NCK2: variants seen among roughly 807,000 people sequenced by gnomAD.
NCK2 encodes the protein NCK adaptor protein 2, also known as cytoplasmic protein NCK2.
A neutral mutation model predicts 33.9 loss-of-function variants in NCK2; 16 were observed. The observed-to-expected ratio is 0.47, with a 90% confidence interval of 0.32 to 0.72. NCK2 has a LOEUF of 0.72. Ranked by LOEUF, NCK2 falls within the 30% of genes least tolerant of loss-of-function variation. NCK2 has a pLI of 0.03. For synonymous variants in NCK2, 273 were observed against 239.9 expected, an observed-to-expected ratio of 1.14 and a Z score of -1.27; for missense variants, 418 against 537.3, an observed-to-expected ratio of 0.78 and a Z score of 2.19.
At chr2:105,876,655 A>T (rs1458225779) in intron 3 of NCK2, among the ~76,000 whole-genome samples, 1 of 152,236 alleles carries the variant, frequency 6.6e-6, no homozygotes, top group African/African-American at 2.4e-5. Flanking sequence ...TTAAAATTCT[A>T]TGAGAAAAGA....
chr2:105,868,186 C>G (rs1053146497), intron 3 of NCK2, among the ~76,000 whole-genome samples: 1 of 152,212 alleles, frequency 6.6e-6, no homozygotes, highest in Non-Finnish European at 1.5e-5. Context: ...GGGTGTATTT[C>G]TGCACATCAG....
At chr2:105,884,515 C>G (rs1468522955) in intron 4 of NCK2, among the ~76,000 whole-genome samples, 1 of 152,150 alleles carries the variant, frequency 6.6e-6, no homozygotes, top group African/African-American at 2.4e-5. Flanking sequence ...GGCCTGGCTT[C>G]TGGATAAGCA....
chr2:105,835,423 A>ATATATATT (rs59154186), intron 2 of NCK2, among the ~76,000 whole-genome samples: 12 of 102,092 alleles, frequency 1.2e-4, no homozygotes, highest in East Asian at 3.0e-4. Context: ...ATATATATAT[A>ATATATATT]TTTTTTTTTT....
chr2:105,846,419 A>G (rs1676855932), intron 2 of NCK2: 1 of 152,064 alleles, frequency 6.6e-6, no homozygotes. Context: ...TTTCTTCTAT[A>G]ATTTTGAGGG....
At chr2:105,748,679 A>C (rs1187738426) in intron 1 of NCK2, among the ~76,000 whole-genome samples, 1 of 151,910 alleles carries the variant, frequency 6.6e-6, no homozygotes, top group Non-Finnish European at 1.5e-5. Context: ...TGACCTCCAA[A>C]AGTACTGGGA....
At chr2:105,826,949 G>A (rs570158683) in intron 2 of NCK2, among the ~76,000 whole-genome samples, 1 of 152,018 alleles carries the variant, frequency 6.6e-6, no homozygotes, top group East Asian at 1.9e-4. Context: ...AGAGTTACCA[G>A]GGACATAAAA....
chr2:105,799,558 G>A (rs543734781), intron 1 of NCK2, among the ~76,000 whole-genome samples: 7 of 152,216 alleles, frequency 4.6e-5, no homozygotes, highest in East Asian at 1.9e-4. Context: ...CTAGTGTTTC[G>A]TTAGTCTGTC....
chr2:105,787,089 CGTG>C (rs1690706227), intron 1 of NCK2, among the ~76,000 whole-genome samples: 1 of 152,234 alleles, frequency 6.6e-6, no homozygotes, highest in Admixed American at 6.5e-5. Context: ...CCGCTGCAGG[CGTG>C]GTGGCACTGG....
At chr2:105,883,230 G>A (rs1335834017) in intron 4 of NCK2, among the ~76,000 whole-genome samples, 1 of 152,210 alleles carries the variant, frequency 6.6e-6, no homozygotes, top group Non-Finnish European at 1.5e-5. Context: ...TTCCTGGCAA[G>A]ACATCACATT....
At chr2:105,751,362 A>G (rs1244067176) in intron 1 of NCK2, among the ~76,000 whole-genome samples, 1 of 151,996 alleles carries the variant, frequency 6.6e-6, no homozygotes, top group Non-Finnish European at 1.5e-5. Flanking sequence ...CCACTTTTTA[A>G]CCATTCCTGC....
At chr2:105,855,503 G>GTATGGAGAC (rs1334732618) in intron 3 of NCK2, 1 of 495,128 alleles carries the variant, frequency 2.0e-6, no homozygotes. Context: ...GGGGTCCTGT[G>GTATGGAGAC]TATGGAGACA....
intron 4 of NCK2, among the ~76,000 whole-genome samples, chr2:105,890,204 T>G (rs2104687530): frequency 6.6e-6 from 1 of 152,256 alleles, no homozygotes; most frequent in South Asian, 2.1e-4. Context: ...CTGCGAAAAT[T>G]TTATTGCTGC....
At chr2:105,887,881 T>C (rs1678782209) in intron 4 of NCK2, among the ~76,000 whole-genome samples, 1 of 152,236 alleles carries the variant, frequency 6.6e-6, no homozygotes, top group African/African-American at 2.4e-5. Context: ...TGCTCTCTAC[T>C]GTTCTTTTCT....
chr2:105,803,951 G>T (rs1178290854), intron 1 of NCK2, among the ~76,000 whole-genome samples: 1 of 152,188 alleles, frequency 6.6e-6, no homozygotes, highest in Non-Finnish European at 1.5e-5. Flanking sequence ...GATACCATGT[G>T]CCTTGTGAGT....
At chr2:105,857,349 C>T (rs976850311) in intron 3 of NCK2, among the ~76,000 whole-genome samples, 3 of 152,262 alleles carry the variant, frequency 2.0e-5, no homozygotes, top group East Asian at 1.9e-4. Flanking sequence ...CGCCCGTCCC[C>T]GACAGATGGC....
chr2:105,750,150 G>A (rs1012598555), intron 1 of NCK2, among the ~76,000 whole-genome samples: 5 of 152,018 alleles, frequency 3.3e-5, no homozygotes, highest in East Asian at 1.9e-4. Flanking sequence ...CCATGACCCC[G>A]GGGCCGGCAG....
chr2:105,869,556 G>A (rs773140737), intron 3 of NCK2, among the ~76,000 whole-genome samples: 3 of 152,178 alleles, frequency 2.0e-5, no homozygotes, highest in Admixed American at 1.3e-4. Flanking sequence ...TGCCAACCAC[G>A]TGCCACCTGC....
intron 4 of NCK2, among the ~76,000 whole-genome samples, chr2:105,882,738 C>T (rs1231401214): frequency 6.6e-6 from 1 of 152,128 alleles, no homozygotes; most frequent in Non-Finnish European, 1.5e-5. Context: ...GCCTGCATCC[C>T]AGAAGGCAGG....
chr2:105,794,606 C>A (rs928520849), intron 1 of NCK2, among the ~76,000 whole-genome samples: 1 of 152,180 alleles, frequency 6.6e-6, no homozygotes, highest in Non-Finnish European at 1.5e-5. Flanking sequence ...TAATTCCTCT[C>A]TGTACTTAAG....
Sources: allele counts gnomAD v4.1 joint callset (sites outside exome capture counted in the v4.1 genomes callset), GRCh38; gene constraint gnomAD v4.1.1; transcripts MANE v1.5; gene names NCBI Gene and HGNC (gene_info 2026-07-23, HGNC 2026-07-21).